Variants in ZNF385D observed in about 807,000 individuals in gnomAD.
ZNF385D encodes zinc finger protein 385D.
Under a neutral mutation model 35.8 loss-of-function variants are expected in ZNF385D, and 15 were observed. That is an observed-to-expected ratio of 0.42 (90% CI 0.28 to 0.64). The LOEUF is 0.64. Among genes scored for constraint, ZNF385D ranks in the 30% least tolerant of loss-of-function variants. The pLI, the probability that ZNF385D is intolerant of heterozygous loss-of-function variation, is 0.23. For synonymous variants in ZNF385D, 212 were observed against 186.8 expected (o/e 1.13, Z -1.10); for missense variants, 474 against 494.6 (o/e 0.96, Z 0.39).
At position 21,415,470 on chromosome 3, in the gene ZNF385D, C is replaced by T. The variant is rs1224730051; in HGVS notation, c.*5744G>A. The T allele has an allele frequency of 1.3e-5, 2 of 152,016 alleles. No individual in the cohort carries two copies. The highest frequency in any genetic ancestry group is 2.9e-5 in the Non-Finnish European group (2 of 67,988). The allele number at this position is 152,016 out of a possible 1,614,324, so 9.4% of individuals were successfully genotyped here. A position where few individuals can be genotyped will look rare whatever the true frequency, so the allele number is the denominator to read the frequency against. Reference sequence around the variant, plus strand: ...TAATGCCCCAAAATGATTAAGACTCCCAAGTGTGACATTGGAGTTCCTTTT... The same window carrying T: ...TAATGCCCCAAAATGATTAAGACTCTCAAGTGTGACATTGGAGTTCCTTTT... On this transcript the variant is annotated 3_prime_UTR_variant, in exon 8 of 8. Transcript: ENST00000281523.
intron 2 of ZNF385D, among the ~76,000 whole-genome samples, chr3:22,346,750 C>T (rs1470462313): frequency 6.6e-6 from 1 of 152,136 alleles, no homozygotes; most frequent in African/African-American, 2.4e-5. Flanking sequence ...CTCAAAAAAA[C>T]CCCAGTGCAT....
At chr3:21,693,687 C>T (rs1266265197) in intron 1 of ZNF385D, among the ~76,000 whole-genome samples, 1 of 152,066 alleles carries the variant, frequency 6.6e-6, no homozygotes, top group Non-Finnish European at 1.5e-5. Flanking sequence ...ATACTGGAAT[C>T]ATCTCCCTAT....
intron 4 of ZNF385D, among the ~76,000 whole-genome samples, chr3:21,450,849 C>T (rs1208310899): frequency 6.6e-6 from 1 of 152,122 alleles, no homozygotes; most frequent in Non-Finnish European, 1.5e-5. Flanking sequence ...CCACTATGAT[C>T]TAACTGTCAA....
chr3:21,787,030 T>A (rs866880459), intron 3 of ZNF385D, among the ~76,000 whole-genome samples: 1 of 152,182 alleles, frequency 6.6e-6, no homozygotes. Flanking sequence ...CAAGGAATTT[T>A]AAAAAGTATT....
At chr3:21,999,797 AAAAC>A (rs1359993495) in intron 3 of ZNF385D, among the ~76,000 whole-genome samples, 2 of 151,822 alleles carry the variant, frequency 1.3e-5, no homozygotes, top group African/African-American at 4.8e-5. Context: ...ATAATAATGA[AAAAC>A]AAAAAGTGAT....
intron 2 of ZNF385D, among the ~76,000 whole-genome samples, chr3:22,241,751 T>TA (rs1047348155): frequency 1.5e-4 from 23 of 150,514 alleles, no homozygotes; most frequent in Non-Finnish European, 2.2e-4. Flanking sequence ...GAGAAATACC[T>TA]AAAAAAAACC....
At position 21,883,863 on chromosome 3, in the gene ZNF385D, C is replaced by T. The variant is rs370588520; in HGVS notation, c.326-218835G>A. 8.5e-5 allele frequency among the ~76,000 whole-genome samples: 13 copies of T among 152,140 alleles called. No individual in the cohort carries two copies. In the East Asian group the frequency reaches 1.7e-3, roughly 20 times the overall value. On this transcript the variant is annotated intron_variant, in intron 3 of 5. Coordinates refer to the ZNF385D transcript ENST00000494108. ...AGACTGAACTACATATCAGAACAATCGGTCTGAGACTGAGACATGCTACGA... is the reference window on the plus strand; with the variant it reads ...AGACTGAACTACATATCAGAACAATTGGTCTGAGACTGAGACATGCTACGA...
At chr3:21,451,922 T>C (rs954770626) in intron 4 of ZNF385D, among the ~76,000 whole-genome samples, 2 of 152,060 alleles carry the variant, frequency 1.3e-5, no homozygotes, top group African/African-American at 4.8e-5. Context: ...TAGAAAATAT[T>C]GTCTTTGATT....
At position 21,701,915 on chromosome 3, in the gene ZNF385D, C is replaced by A. The variant is rs146410998; in HGVS notation, c.23-36887G>T. Among the ~76,000 whole-genome samples, 663 of 152,304 alleles carry A rather than the reference C, an allele frequency of 4.4e-3. 6 individuals are homozygous for A. Among genetic ancestry groups the A allele is most frequent in the African/African-American group, 0.015 (634 of 41,570 alleles). On this transcript the variant is annotated intron_variant, in intron 1 of 7. Transcript: ENST00000281523. ...CTCATGGTCTTGAGCAGCCCCGTCT[C>A]TATGGCTTTCCAGGGTATAGCCCCC...
At chr3:22,160,771 A>G (rs1422497584) in intron 3 of ZNF385D, among the ~76,000 whole-genome samples, 1 of 152,194 alleles carries the variant, frequency 6.6e-6, no homozygotes, top group Non-Finnish European at 1.5e-5. Context: ...CAATAAAAAT[A>G]GGAAACCAGG....
chr3:22,067,954 A>C (rs942954304), intron 3 of ZNF385D, among the ~76,000 whole-genome samples: 1 of 152,034 alleles, frequency 6.6e-6, no homozygotes, highest in Non-Finnish European at 1.5e-5. Flanking sequence ...CAGAGGTTGC[A>C]GTGAGCCGAG....
chr3:22,351,699 A>T (rs973477397), intron 2 of ZNF385D, among the ~76,000 whole-genome samples: 2 of 152,164 alleles, frequency 1.3e-5, no homozygotes, highest in South Asian at 4.1e-4. Context: ...AAATAAATAC[A>T]TATCACAAAG....
chr3:21,684,365 C>CCTCTCTCT lies in ZNF385D; in HGVS notation c.23-19345_23-19338dup, dbSNP rs373105142. Reference sequence around the variant, plus strand: ...AAAGCCATAAATGGTTAACTGTTCTCCTCTCTCTCTCTCTCTCTCTCTCTC... The same window carrying CCTCTCTCT: ...AAAGCCATAAATGGTTAACTGTTCTCCTCTCTCTCTCTCTCTCTCTCTCTCTCTCTCTC... On this transcript the variant is annotated intron_variant, in intron 1 of 7. Coordinates refer to ENST00000281523, the MANE Select transcript of ZNF385D (RefSeq NM_024697.3). Among the ~76,000 whole-genome samples the CCTCTCTCT allele has an allele frequency of 9.7e-4, 71 of 73,318 alleles. 3 individuals carry two copies. Among genetic ancestry groups the CCTCTCTCT allele is most frequent in the Middle Eastern group, 0.011 (1 of 88 alleles). The allele number at this position is 73,318 out of a possible 152,430, so 48.1% of individuals were successfully genotyped here.
At chr3:22,216,963 T>A (rs1444071350) in intron 2 of ZNF385D, among the ~76,000 whole-genome samples, 1 of 152,166 alleles carries the variant, frequency 6.6e-6, no homozygotes, top group Non-Finnish European at 1.5e-5. Flanking sequence ...GCCTGCCAAG[T>A]AGAAGCATCT....
At chr3:21,538,377 C>A (rs2062089247) in intron 3 of ZNF385D, among the ~76,000 whole-genome samples, 1 of 151,978 alleles carries the variant, frequency 6.6e-6, no homozygotes, top group South Asian at 2.1e-4. Flanking sequence ...AATTGGAAAC[C>A]CTTTTGAGAG....
At chr3:21,706,408 A>G (rs2336040) in intron 1 of ZNF385D, among the ~76,000 whole-genome samples, 23,228 of 152,142 alleles carry the variant, frequency 0.15, 1,903 homozygotes, top group East Asian at 0.19. Flanking sequence ...TCCAAAAAAA[A>G]GTACATCTTT....
At chr3:22,058,863 G>A (rs542978103) in intron 3 of ZNF385D, among the ~76,000 whole-genome samples, 1 of 152,214 alleles carries the variant, frequency 6.6e-6, no homozygotes, top group African/African-American at 2.4e-5. Flanking sequence ...TGGTTAGTGG[G>A]GACCACTATC....
At chr3:21,472,626 G>A (rs947123595) in intron 4 of ZNF385D, among the ~76,000 whole-genome samples, 15 of 152,212 alleles carry the variant, frequency 9.9e-5, no homozygotes, top group Admixed American at 7.2e-4. Context: ...CGAACAAACT[G>A]CATCTTAAAT....
At chr3:22,172,022 G>A (rs1472717131) in intron 2 of ZNF385D, among the ~76,000 whole-genome samples, 1 of 151,966 alleles carries the variant, frequency 6.6e-6, no homozygotes, top group Non-Finnish European at 1.5e-5. Flanking sequence ...ATTTTTAAAT[G>A]GAAATTTGAC....
Sources: gnomAD v4.1 joint callset for allele counts (sites outside exome capture counted in the v4.1 genomes callset) on GRCh38, gnomAD v4.1.1 for gene constraint, MANE v1.5 for transcripts, NCBI Gene and HGNC (gene_info 2026-07-23, HGNC 2026-07-21) for gene names.